PACS1: variants seen among roughly 807,000 people sequenced by gnomAD.
PACS1 encodes the protein phosphofurin acidic cluster sorting protein 1.
PACS1 carries 24 observed loss-of-function variants against 115.0 expected under a neutral mutation model. The observed-to-expected ratio is 0.21, with a 90% confidence interval of 0.15 to 0.29. The LOEUF is 0.29. Among genes scored for constraint, PACS1 ranks in the 10% least tolerant of loss-of-function variants. The pLI, the probability that PACS1 is intolerant of heterozygous loss-of-function variation, is 1.00. For missense variants in PACS1, 838 were observed against 1,251.2 expected, an observed-to-expected ratio of 0.67 and a Z score of 4.98; for synonymous variants, 453 against 504.5, an observed-to-expected ratio of 0.90 and a Z score of 1.37.
intron 14 of PACS1, among the ~76,000 whole-genome samples, chr11:66,232,555 G>A (rs1356107877): frequency 2.0e-5 from 3 of 152,180 alleles, no homozygotes; most frequent in Non-Finnish European, 4.4e-5. Flanking sequence ...CCTCCAGGGC[G>A]CCACATGCGT....
intron 1 of PACS1, among the ~76,000 whole-genome samples, chr11:66,176,226 C>T (rs1859857426): frequency 2.0e-5 from 3 of 152,088 alleles, no homozygotes; most frequent in Admixed American, 2.0e-4. Flanking sequence ...TTAAACAAAC[C>T]ACCCCACCTA....
chr11:66,163,117 G>A (rs1361451821), intron 1 of PACS1, among the ~76,000 whole-genome samples: 2 of 152,132 alleles, frequency 1.3e-5, no homozygotes, highest in African/African-American at 4.8e-5. Context: ...GGGAGACCGA[G>A]GTGGTTGGAT....
At chr11:66,175,671 A>G (rs1035320591) in intron 1 of PACS1, among the ~76,000 whole-genome samples, 2 of 152,222 alleles carry the variant, frequency 1.3e-5, no homozygotes, top group Admixed American at 1.3e-4. Context: ...CGCTTCCCAT[A>G]CATAGGTCAC....
chr11:66,074,890 T>C (rs970574813), intron 1 of PACS1, among the ~76,000 whole-genome samples: 1 of 151,826 alleles, frequency 6.6e-6, no homozygotes, highest in Non-Finnish European at 1.5e-5. Flanking sequence ...TACTATATAC[T>C]AGGACAAACT....
chr11:66,118,698 G>C (rs1405334819), intron 1 of PACS1, among the ~76,000 whole-genome samples: 1 of 148,048 alleles, frequency 6.8e-6, no homozygotes, highest in African/African-American at 2.5e-5. Flanking sequence ...AGGCTGAAGT[G>C]GACCAATCAC....
chr11:66,095,291 G>A (rs979939752), intron 1 of PACS1, among the ~76,000 whole-genome samples: 1 of 151,582 alleles, frequency 6.6e-6, no homozygotes, highest in African/African-American at 2.4e-5. Flanking sequence ...TGTATATCTA[G>A]AAAACCCCAT....
chr11:66,161,382 G>A (rs573811273), intron 1 of PACS1, among the ~76,000 whole-genome samples: 28 of 149,876 alleles, frequency 1.9e-4, no homozygotes, highest in Non-Finnish European at 3.7e-4. Context: ...GAGCCCAGGA[G>A]TTCAAAGCTT....
chr11:66,198,208 C>T (rs1031329688), intron 2 of PACS1, among the ~76,000 whole-genome samples: 43 of 152,334 alleles, frequency 2.8e-4, no homozygotes, highest in South Asian at 1.7e-3. Context: ...CCACCATGCC[C>T]GGTTCTCAAA....
At chr11:66,238,917 G>A in intron 20 of PACS1, 71 bp downstream of exon 20, 2 of 1,476,370 alleles carry the variant, frequency 1.4e-6, no homozygotes. Context: ...AGTCCAGCAG[G>A]CCAGAAGTTA....
Position 66,239,138 on chromosome 11 carries a change from A to G in PACS1, c.2294-4A>G, listed in dbSNP as rs1431257369. ...AACTGTGTTTGTCGTTTGTCCCCTG[A>G]CAGGCGATGGGGACGATTCTCCTGT... On this transcript the variant is annotated splice_region_variant and splice_polypyrimidine_tract_variant and intron_variant, in intron 20 of 23. Transcript: ENST00000320580. 3 of 1,614,112 alleles carry G rather than the reference A, an allele frequency of 1.9e-6. No homozygotes were observed.
chr11:66,169,349 T>A (rs1365301964), intron 1 of PACS1, among the ~76,000 whole-genome samples: 1 of 150,550 alleles, frequency 6.6e-6, no homozygotes, highest in Admixed American at 6.6e-5. Flanking sequence ...ATTGGTTTTC[T>A]AATGTTAAAG....
chr11:66,149,698 G>A (rs1387572803), intron 1 of PACS1, among the ~76,000 whole-genome samples: 1 of 152,036 alleles, frequency 6.6e-6, no homozygotes, highest in African/African-American at 2.4e-5. Flanking sequence ...GTGTGTGTGT[G>A]TGTGTGTGTT....
At chr11:66,080,446 G>A (rs1857461283) in intron 1 of PACS1, among the ~76,000 whole-genome samples, 2 of 152,294 alleles carry the variant, frequency 1.3e-5, no homozygotes, top group South Asian at 4.1e-4. Flanking sequence ...TCTTGGTGAG[G>A]GAGGGCCTCT....
At chr11:66,194,026 C>T (rs888509445) in intron 2 of PACS1, among the ~76,000 whole-genome samples, 7 of 152,182 alleles carry the variant, frequency 4.6e-5, no homozygotes, top group East Asian at 1.9e-4. Flanking sequence ...TGCAGTGGCG[C>T]GATCTCGGCT....
chr11:66,168,865 A>T (rs761796686), intron 1 of PACS1, among the ~76,000 whole-genome samples: 2 of 150,174 alleles, frequency 1.3e-5, no homozygotes, highest in Non-Finnish European at 2.9e-5. Context: ...GAGTTTCAGA[A>T]ATCTAGCAAC....
chr11:66,112,431 G>T (rs540947490), intron 1 of PACS1, among the ~76,000 whole-genome samples: 1 of 152,322 alleles, frequency 6.6e-6, no homozygotes, highest in African/African-American at 2.4e-5. Context: ...TGTCATTCAG[G>T]TCTCACTCAG....
chr11:66,098,222 C>T (rs1479131021), intron 1 of PACS1, among the ~76,000 whole-genome samples: 1 of 151,874 alleles, frequency 6.6e-6, no homozygotes, highest in Non-Finnish European at 1.5e-5. Context: ...ATATGTTTGT[C>T]TTTTTATAAT....
At chr11:66,163,600 T>C (rs1489024884) in intron 1 of PACS1, among the ~76,000 whole-genome samples, 2 of 152,188 alleles carry the variant, frequency 1.3e-5, no homozygotes, top group African/African-American at 4.8e-5. Flanking sequence ...CTTTACAAGG[T>C]GGAAGATCTT....
At chr11:66,184,244 C>T (rs1451420569) in intron 1 of PACS1, among the ~76,000 whole-genome samples, 1 of 130,644 alleles carries the variant, frequency 7.7e-6, no homozygotes, top group African/African-American at 2.9e-5. Flanking sequence ...GCCTGAGAGG[C>T]GGAGGCTGCG....
Sources: gnomAD v4.1 joint callset for allele counts (sites outside exome capture counted in the v4.1 genomes callset) on GRCh38, gnomAD v4.1.1 for gene constraint, MANE v1.5 for transcripts, NCBI Gene and HGNC (gene_info 2026-07-23, HGNC 2026-07-21) for gene names.